The following ERP44 variants were observed in gnomAD, a reference collection of about 807,000 sequenced individuals.
The protein encoded by ERP44 is endoplasmic reticulum resident protein 44.
In ERP44, 25 loss-of-function variants were observed where a neutral mutation model predicts 53.4. That is an observed-to-expected ratio of 0.47 (90% CI 0.34 to 0.65). ERP44 has a LOEUF of 0.65. Ranked by LOEUF, ERP44 falls within the 30% of genes least tolerant of loss-of-function variation. The probability of loss-of-function intolerance (pLI) is 0.01; values close to 1 mark genes in which losing one functional copy is unlikely to be tolerated. For synonymous variants in ERP44, 145 were observed against 161.2 expected, an observed-to-expected ratio of 0.90 and a Z score of 0.76; for missense variants, 338 against 493.2, an observed-to-expected ratio of 0.69 and a Z score of 2.98.
At chr9:100,067,313 G>A (rs112651877) in intron 1 of ERP44, among the ~76,000 whole-genome samples, 1 of 152,206 alleles carries the variant, frequency 6.6e-6, no homozygotes, top group African/African-American at 2.4e-5. Flanking sequence ...GCCTCAGCCT[G>A]CCCAGTGCCT....
intron 3 of ERP44, among the ~76,000 whole-genome samples, chr9:100,056,170 A>G (rs2118712289): frequency 6.6e-6 from 1 of 152,296 alleles, no homozygotes; most frequent in African/African-American, 2.4e-5. Context: ...TAGTTGGGTA[A>G]CCTTGGGAAA....
chr9:100,045,752 C>T (rs1459277217), intron 4 of ERP44, among the ~76,000 whole-genome samples: 2 of 152,064 alleles, frequency 1.3e-5, no homozygotes, highest in Non-Finnish European at 2.9e-5. Flanking sequence ...GTGATTGATA[C>T]AAACAAGACA....
At chr9:100,008,824 T>C (rs1354551025) in intron 8 of ERP44, among the ~76,000 whole-genome samples, 1 of 152,126 alleles carries the variant, frequency 6.6e-6, no homozygotes, top group Non-Finnish European at 1.5e-5. Flanking sequence ...GAGTACAGCC[T>C]CGACCTCCCC....
chr9:99,979,821 T>C lies in ERP44; in HGVS notation c.*2791A>G, dbSNP rs977290134. On this transcript the variant is annotated 3_prime_UTR_variant, in exon 12 of 12. Transcript: ENST00000262455. Reference sequence around the variant, plus strand: ...GTTCAGAGGGGGAACAAGTCTAAATTTGAGACGTGCTTCCACACTATTCTT... The same window carrying C: ...GTTCAGAGGGGGAACAAGTCTAAATCTGAGACGTGCTTCCACACTATTCTT... The C allele has an allele frequency of 7.7e-6, 3 of 391,348 alleles. No individual in the cohort carries two copies. The highest frequency in any genetic ancestry group is 3.6e-5 in the East Asian group (1 of 27,962). 24.2% of individuals were successfully genotyped at this position (391,348 alleles called of 1,614,324 possible). A position where few individuals can be genotyped will look rare whatever the true frequency, so the allele number is the denominator to read the frequency against.
intron 10 of ERP44, among the ~76,000 whole-genome samples, chr9:99,999,663 G>A (rs1401975392): frequency 6.6e-6 from 1 of 151,836 alleles, no homozygotes; most frequent in African/African-American, 2.4e-5. Flanking sequence ...TTCCTTCACT[G>A]TGCAGAAACT....
At chr9:99,983,547 G>A (rs1587952111) in intron 11 of ERP44, among the ~76,000 whole-genome samples, 3 of 101,438 alleles carry the variant, frequency 3.0e-5, no homozygotes, top group South Asian at 7.1e-4. Context: ...GCGAGACTCC[G>A]TCTCAAAAAA....
At chr9:100,039,991 C>T (rs1030993620) in intron 4 of ERP44, among the ~76,000 whole-genome samples, 13 of 151,792 alleles carry the variant, frequency 8.6e-5, no homozygotes, top group Non-Finnish European at 1.5e-4. Flanking sequence ...AAACCTGAAC[C>T]GACCAATAAC....
At chr9:100,024,495 C>T (rs1184419263) in intron 4 of ERP44, among the ~76,000 whole-genome samples, 1 of 150,276 alleles carries the variant, frequency 6.7e-6, no homozygotes, top group African/African-American at 2.5e-5. Context: ...GTTGTCTCTC[C>T]TCTACCCACA....
At chr9:100,083,956 G>A (rs909478077) in intron 1 of ERP44, among the ~76,000 whole-genome samples, 4 of 151,934 alleles carry the variant, frequency 2.6e-5, no homozygotes, top group South Asian at 2.1e-4. Flanking sequence ...TTTCCACCCC[G>A]TGAAAAAGCA....
At chr9:100,095,609 A>T (rs541822161) in intron 1 of ERP44, among the ~76,000 whole-genome samples, 88 of 151,744 alleles carry the variant, frequency 5.8e-4, no homozygotes, top group Non-Finnish European at 1.0e-3. Context: ...CACCTGGGAA[A>T]TTTTTTTTTA....
intron 3 of ERP44, among the ~76,000 whole-genome samples, chr9:100,057,342 G>A (rs1826096569): frequency 6.6e-6 from 1 of 151,146 alleles, no homozygotes; most frequent in African/African-American, 2.4e-5. Context: ...TTGTTTGCTA[G>A]GGCACAAACA....
intron 1 of ERP44, among the ~76,000 whole-genome samples, chr9:100,094,038 C>T (rs1416976352): frequency 6.6e-6 from 1 of 152,190 alleles, no homozygotes; most frequent in African/African-American, 2.4e-5. Context: ...GTACAGAAAT[C>T]TATCTCAAAG....
At chr9:100,094,635 G>A (rs1320630447) in intron 1 of ERP44, among the ~76,000 whole-genome samples, 2 of 151,834 alleles carry the variant, frequency 1.3e-5, no homozygotes, top group Non-Finnish European at 2.9e-5. Flanking sequence ...TGCAGCCTGG[G>A]CAACACAGTG....
intron 1 of ERP44, among the ~76,000 whole-genome samples, chr9:100,089,042 A>G (rs951914495): frequency 6.6e-5 from 10 of 152,210 alleles, no homozygotes; most frequent in African/African-American, 2.4e-4. Flanking sequence ...AAATTCCAGA[A>G]ATAAACACTT....
chr9:100,075,620 CTT>C (rs1826347150), intron 1 of ERP44, among the ~76,000 whole-genome samples: 1 of 152,222 alleles, frequency 6.6e-6, no homozygotes, highest in Non-Finnish European at 1.5e-5. Flanking sequence ...ATAAATCTGA[CTT>C]AAATTTAGGG....
rs1279055836 is a variant in ERP44 at position 100,043,449 on chromosome 9, A to ATT, written c.286+8966_286+8967dup. Among the ~76,000 whole-genome samples the ATT allele has an allele frequency of 5.9e-5, 9 of 151,914 alleles. No homozygotes were observed. The East Asian group carries it at 1.6e-3, about 26-fold the overall frequency. ...AAGTCATGGATACCCTGATGTGACT[A>ATT]TTACGGACTTCAAAATATCTTTTGG... On this transcript the variant is annotated intron_variant, in intron 4 of 11. Coordinates refer to ENST00000262455, the MANE Select transcript of ERP44 (RefSeq NM_015051.3).
At chr9:100,041,668 AAACAACAACAAC>A (rs537934933) in intron 4 of ERP44, among the ~76,000 whole-genome samples, 2 of 152,134 alleles carry the variant, frequency 1.3e-5, no homozygotes, top group East Asian at 1.9e-4. Context: ...TTCCGACTCA[AAACAACAACAAC>A]AACAACAACA....
intron 8 of ERP44, among the ~76,000 whole-genome samples, chr9:100,015,415 A>G (rs1423662677): frequency 6.6e-6 from 1 of 152,226 alleles, no homozygotes; most frequent in Non-Finnish European, 1.5e-5. Context: ...AGAGGTCCTT[A>G]CAGACATAAC....
chr9:99,986,693 G>A (rs1224002944), intron 10 of ERP44, among the ~76,000 whole-genome samples: 29 of 152,000 alleles, frequency 1.9e-4, no homozygotes. Context: ...TACCCATTTT[G>A]GCTCCCCACT....
Sources: gnomAD v4.1 joint callset for allele counts (sites outside exome capture counted in the v4.1 genomes callset) on GRCh38, gnomAD v4.1.1 for gene constraint, MANE v1.5 for transcripts, NCBI Gene and HGNC (gene_info 2026-07-23, HGNC 2026-07-21) for gene names.